EQTN: variants seen among roughly 807,000 people sequenced by gnomAD.
The protein encoded by EQTN is Acrosome formation associated factor.
A neutral mutation model predicts 26.9 loss-of-function variants in EQTN; 29 were observed. That is an observed-to-expected ratio of 1.08 (90% CI 0.80 to 1.47). The LOEUF (loss-of-function observed/expected upper bound fraction) is 1.47. Among genes scored for constraint, EQTN ranks in the 40% most tolerant of loss-of-function variants. EQTN has a pLI of 0.00. For synonymous variants in EQTN, 129 were observed against 120.0 expected, an observed-to-expected ratio of 1.07 and a Z score of -0.49; for missense variants, 391 against 346.1, an observed-to-expected ratio of 1.13 and a Z score of -1.03.
chr9:27,291,140 T>C lies in EQTN; in HGVS notation c.377-77A>G, dbSNP rs181388321. On this transcript the variant is annotated intron_variant, in intron 4 of 7. Transcript: ENST00000380032. ...ACAAAATAATTTAGTTTGAGGAACATTCGTTTGTTAGTCATTTAGCAGTTA... is the reference window on the plus strand; with the variant it reads ...ACAAAATAATTTAGTTTGAGGAACACTCGTTTGTTAGTCATTTAGCAGTTA... The C allele has an allele frequency of 2.5e-3, 3,325 of 1,327,090 alleles. 6 individuals carry two copies. The highest frequency in any genetic ancestry group is 5.2e-3 in the Middle Eastern group (25 of 4,786). The allele number at this position is 1,327,090 out of a possible 1,614,324, so 82.2% of individuals were successfully genotyped here. A position where few individuals can be genotyped will look rare whatever the true frequency, so the allele number is the denominator to read the frequency against.
intron 3 of EQTN, among the ~76,000 whole-genome samples, chr9:27,292,875 G>A (rs185225059): frequency 6.6e-4 from 100 of 152,282 alleles, no homozygotes; most frequent in African/African-American, 2.3e-3. Context: ...TCAGTGTAAC[G>A]ACGCAAGAAA....
intron 7 of EQTN, 132 bp from the exon 8 acceptor site, chr9:27,285,104 G>A (rs774968862): frequency 3.1e-6 from 1 of 322,222 alleles, no homozygotes. Context: ...AACATTATGT[G>A]AATGATATAT....
chr9:27,294,070 G>T (rs561535868), intron 3 of EQTN, among the ~76,000 whole-genome samples: 1 of 152,328 alleles, frequency 6.6e-6, no homozygotes, highest in African/African-American at 2.4e-5. Flanking sequence ...AACCTCCCCA[G>T]CTTCTGAAAT....
intron 6 of EQTN, among the ~76,000 whole-genome samples, chr9:27,287,167 A>G (rs1031668624): frequency 1.3e-5 from 2 of 152,176 alleles, no homozygotes; most frequent in Non-Finnish European, 2.9e-5. Context: ...TGCCAACTCA[A>G]AAGTTCCAAG....
chr9:27,286,053 T>C (rs1331879614), intron 7 of EQTN, among the ~76,000 whole-genome samples, 156 bp downstream of exon 7: 1 of 152,222 alleles, frequency 6.6e-6, no homozygotes, highest in Non-Finnish European at 1.5e-5. Context: ...TTAAAGACAG[T>C]CCCGTGCTCC....
At chr9:27,286,495 G>T (rs954855537) in intron 6 of EQTN, 133 bp from the exon 7 acceptor site, 2 of 816,340 alleles carry the variant, frequency 2.4e-6, no homozygotes, top group Non-Finnish European at 3.8e-6. Context: ...CTCCCATCCC[G>T]CAGGCAATGC....
intron 7 of EQTN, 69 bp downstream of exon 7, chr9:27,286,140 T>G: frequency 6.8e-7 from 1 of 1,470,422 alleles, no homozygotes; most frequent in South Asian, 1.2e-5. Flanking sequence ...AAGAATCTAC[T>G]AAAGAGAGGA....
intron 2 of EQTN, among the ~76,000 whole-genome samples, chr9:27,295,493 A>G (rs1451428614): frequency 6.6e-6 from 1 of 152,194 alleles, no homozygotes; most frequent in Non-Finnish European, 1.5e-5. Context: ...TTTTATCCCT[A>G]CTTTATGCCA....
rs367715092 is a variant in EQTN at position 27,294,316 on chromosome 9, C to G, written c.289G>C (p.Asp97His). 5.5e-5 allele frequency: 89 copies of G among 1,604,914 alleles called. No individual in the cohort carries two copies. The Middle Eastern group carries it at 6.6e-4, about 12-fold the overall frequency. ...TGCAATGGTGCCTTTCACTTCTTACCGTTTTTTAGAGCAAAATTCAGGTCA... is the reference window on the plus strand; with the variant it reads ...TGCAATGGTGCCTTTCACTTCTTACGGTTTTTTAGAGCAAAATTCAGGTCA... ...TTDLNFALKN[D>H]KTVNATTYEK... Residue 97 changes from aspartate to histidine, a missense_variant and splice_region_variant, in exon 3 of 8, where the codon GAT becomes CAT. Coordinates refer to ENST00000380032, the MANE Select transcript of EQTN (RefSeq NM_020641.3).
chr9:27,288,237 T>C (rs1249190517), intron 6 of EQTN, among the ~76,000 whole-genome samples: 1 of 152,148 alleles, frequency 6.6e-6, no homozygotes, highest in Non-Finnish European at 1.5e-5. Flanking sequence ...TTTGGGGAAA[T>C]TAATGTGGTT....
Position 27,289,654 on chromosome 9 carries a change from G to T in EQTN, c.481+18C>A. 6.3e-7 allele frequency: 1 copy of T among 1,593,192 alleles called. No individual in the cohort carries two copies. Among genetic ancestry groups the T allele is most frequent in the Non-Finnish European group, 8.6e-7 (1 of 1,168,160 alleles). On this transcript the variant is annotated intron_variant, in intron 6 of 7. Coordinates refer to ENST00000380032, the MANE Select transcript of EQTN (RefSeq NM_020641.3). ...CATTAGCCACTGCACCCAGTCAATTGAAATATTTTGTTCTTACCTGGAATT... is the reference window on the plus strand; with the variant it reads ...CATTAGCCACTGCACCCAGTCAATTTAAATATTTTGTTCTTACCTGGAATT...
chr9:27,286,140 TA>T (rs1192172445), intron 7 of EQTN, 68 bp downstream of exon 7: 1 of 1,470,300 alleles, frequency 6.8e-7, no homozygotes, highest in Non-Finnish European at 9.4e-7. Flanking sequence ...AAGAATCTAC[TA>T]AAGAGAGGAG....
At chr9:27,292,195 CTCA>C (rs1365886445) in intron 4 of EQTN, 6 of 334,884 alleles carry the variant, frequency 1.8e-5, no homozygotes, top group African/African-American at 1.3e-4. Context: ...TCTACAAAAG[CTCA>C]TTTCTCATCC....
Position 27,296,639 on chromosome 9 carries a change from C to T in EQTN, c.176G>A (p.Gly59Asp). ...PNYAPANEKN[G>D]NYYKDIKQYV... is the part of the protein sequence containing the mutation. ...TTGTTTTATATCTTTATAATAATTG[C>T]CATTTTTCTCATTAGCAGGAGCATA... Residue 59 changes from glycine (G) to aspartate (D), a missense_variant, in exon 2 of 8, where the codon GGC (glycine) becomes GAC (aspartate). Coordinates refer to ENST00000380032, the MANE Select transcript of EQTN (RefSeq NM_020641.3). The T allele has an allele frequency of 1.3e-6, 2 of 1,556,162 alleles. No individual in the cohort carries two copies. The highest frequency in any genetic ancestry group is 1.1e-5 in the South Asian group (1 of 88,160).
chr9:27,291,548 C>T (rs1399022143), intron 4 of EQTN, among the ~76,000 whole-genome samples: 4 of 152,060 alleles, frequency 2.6e-5, no homozygotes, highest in Non-Finnish European at 4.4e-5. Context: ...GGATGCAGAA[C>T]GTAACCAGAG....
chr9:27,284,810 T>G lies in EQTN; in HGVS notation c.798A>C (p.Arg266Ser). ...CCGTCATTATCTTAGATTCTGATGT[T>G]CTTGTGCCTGATCTTCTCATATCTG... is the stretch of plus-strand genomic sequence containing the variant. Reference protein sequence around the residue: ...TSSDMRRSGTRTSESKIMTDI... With the variant: ...TSSDMRRSGTSTSESKIMTDI... Residue 266 changes from arginine (R) to serine (S), a missense_variant, in exon 8 of 8, where the codon AGA becomes AGC. Transcript: ENST00000380032. 1 of 1,614,190 alleles carries G rather than the reference T, an allele frequency of 6.2e-7. No individual in the cohort carries two copies. Among genetic ancestry groups the G allele is most frequent in the Non-Finnish European group, 8.5e-7 (1 of 1,180,032 alleles).
chr9:27,288,221 G>A (rs1820159508), intron 6 of EQTN, among the ~76,000 whole-genome samples: 1 of 151,852 alleles, frequency 6.6e-6, no homozygotes, highest in African/African-American at 2.4e-5. Context: ...TAGGACAGAG[G>A]TTTTTTTTGG....
At position 27,296,757 on chromosome 9, in the gene EQTN, C is replaced by T; in HGVS notation, c.77-19G>A. On this transcript the variant is annotated intron_variant, in intron 1 of 7. Transcript: ENST00000380032. ...GGCAATGCTAAAAAAAAGTATCACA[C>T]ACCATAGATCAGAAATATGTTGATT... 2 of 1,590,242 alleles carry T rather than the reference C, an allele frequency of 1.3e-6. No individual in the cohort carries two copies. The highest frequency in any genetic ancestry group is 1.7e-6 in the Non-Finnish European group (2 of 1,174,522).
At chr9:27,291,285 G>A (rs969496651) in intron 4 of EQTN, among the ~76,000 whole-genome samples, 2 of 152,200 alleles carry the variant, frequency 1.3e-5, no homozygotes, top group African/African-American at 2.4e-5. Flanking sequence ...AAGAATCATT[G>A]CTGCTTATGT....
Sources: gnomAD v4.1 joint callset for allele counts (sites outside exome capture counted in the v4.1 genomes callset) on GRCh38, gnomAD v4.1.1 for gene constraint, MANE v1.5 for transcripts, NCBI Gene and HGNC (gene_info 2026-07-23, HGNC 2026-07-21) for gene names.